Variants in USP34 observed in about 807,000 individuals in gnomAD.
The protein encoded by USP34 is ubiquitin carboxyl-terminal hydrolase 34.
Under a neutral mutation model 460.3 loss-of-function variants are expected in USP34, and 70 were observed. The observed-to-expected ratio is 0.15, with a 90% CI of 0.13 to 0.19. USP34 has a LOEUF of 0.19. Among genes scored for constraint, USP34 ranks in the 10% least tolerant of loss-of-function variants. USP34 has a pLI of 1.00. For synonymous variants in USP34, 1,647 were observed against 1,405.3 expected (o/e 1.17, Z -3.85); for missense variants, 3,985 against 4,236.2 (o/e 0.94, Z 1.65).
chr2:61,284,418 G>C (rs769756178), intron 35 of USP34, among the ~76,000 whole-genome samples: 10 of 152,008 alleles, frequency 6.6e-5, no homozygotes, highest in Non-Finnish European at 1.0e-4. Flanking sequence ...AGAAACAGAA[G>C]AACTGACAAC....
intron 3 of USP34, among the ~76,000 whole-genome samples, chr2:61,402,075 C>T (rs1693737810): frequency 6.6e-6 from 1 of 151,640 alleles, no homozygotes; most frequent in Non-Finnish European, 1.5e-5. Context: ...CGATAAACCC[C>T]ATAAACACAG....
At chr2:61,309,835 A>G (rs913670082) in intron 27 of USP34, among the ~76,000 whole-genome samples, 1 of 152,198 alleles carries the variant, frequency 6.6e-6, no homozygotes, top group Non-Finnish European at 1.5e-5. Flanking sequence ...GCGCTGATAC[A>G]TACACTTGAG....
chr2:61,398,791 G>C (rs998360501), intron 3 of USP34, among the ~76,000 whole-genome samples: 1 of 152,058 alleles, frequency 6.6e-6, no homozygotes, highest in Admixed American at 6.5e-5. Flanking sequence ...CAATCATACA[G>C]AACTCAGAAC....
intron 48 of USP34, among the ~76,000 whole-genome samples, chr2:61,249,516 T>G (rs941594523): frequency 6.6e-6 from 1 of 152,204 alleles, no homozygotes; most frequent in Non-Finnish European, 1.5e-5. Flanking sequence ...GGTAACAAAC[T>G]GCAGAAAGAA....
At chr2:61,336,182 T>C (rs1691410543) in intron 18 of USP34, among the ~76,000 whole-genome samples, 1 of 151,610 alleles carries the variant, frequency 6.6e-6, no homozygotes, top group Admixed American at 6.6e-5. Flanking sequence ...TCTCACTGTG[T>C]TGCTCAGGCT....
In USP34 at chr2:61,257,331, T is replaced by C. The variant is rs1435499636; in HGVS notation, c.5864A>G (p.Tyr1955Cys). 6.2e-7 allele frequency: 1 copy of C among 1,602,198 alleles called. No homozygotes were observed. The highest frequency in any genetic ancestry group is 8.5e-7 in the Non-Finnish European group (1 of 1,175,266). ...TGTTTTACAGAAAGGTCTAGGATTATATGCTTTGCATTCACTCTCCTGCAA... is the reference window on the plus strand; with the variant it reads ...TGTTTTACAGAAAGGTCTAGGATTACATGCTTTGCATTCACTCTCCTGCAA... Reference protein sequence around the residue: ...TYLMESECKAYNPRPFCKTYT... With the variant: ...TYLMESECKACNPRPFCKTYT... The change falls in exon 45 of 80, where the codon TAT becomes TGT. Residue 1955 changes from tyrosine to cysteine, a missense_variant. This residue lies in a region of USP34 where 145 missense variants were observed against 291.6 expected (regional missense o/e 0.50). Coordinates refer to ENST00000398571, the MANE Select transcript of USP34 (RefSeq NM_014709.4).
At chr2:61,403,666 C>G (rs1693783998) in intron 3 of USP34, among the ~76,000 whole-genome samples, 1 of 152,058 alleles carries the variant, frequency 6.6e-6, no homozygotes, top group Admixed American at 6.6e-5. Context: ...CTCCCCCACC[C>G]AGAGCAGGAG....
intron 68 of USP34, among the ~76,000 whole-genome samples, chr2:61,213,308 C>T (rs1179367798): frequency 6.6e-6 from 1 of 152,074 alleles, no homozygotes; most frequent in African/African-American, 2.4e-5. Context: ...CTATGCCGGC[C>T]TGGGATTCTA....
intron 1 of USP34, among the ~76,000 whole-genome samples, chr2:61,464,019 T>G (rs114728705): frequency 1.3e-5 from 2 of 152,236 alleles, no homozygotes; most frequent in Non-Finnish European, 2.9e-5. Flanking sequence ...TGTAAAGTAC[T>G]TAAGTACCCA....
Position 61,416,821 on chromosome 2 carries a change from T to TTG in USP34, c.131+3924_131+3925insCA, listed in dbSNP as rs770675371. The TTG allele has an allele frequency of 2.3e-3, 514 of 219,248 alleles. 1 individual carries two copies. The highest frequency in any genetic ancestry group is 3.2e-3 in the Middle Eastern group (3 of 932). 13.6% of individuals were successfully genotyped at this position (219,248 alleles called of 1,614,324 possible). On this transcript the variant is annotated intron_variant, in intron 2 of 79. Transcript: ENST00000398571. Reference sequence around the variant, plus strand: ...TTAACCTCCCTAATCTTTTTTTTTTTGGGGGGGGGGACAGGAAGTAGAATG... The same window carrying TTG: ...TTAACCTCCCTAATCTTTTTTTTTTTTGGGGGGGGGGGACAGGAAGTAGAATG...
At chr2:61,465,103 T>C (rs1178773355) in intron 1 of USP34, among the ~76,000 whole-genome samples, 1 of 152,202 alleles carries the variant, frequency 6.6e-6, no homozygotes, top group East Asian at 1.9e-4. Context: ...TTTAGTATTG[T>C]TGGGATTGGT....
chr2:61,283,329 T>C, intron 36 of USP34, 60 bp from the exon 37 acceptor site: 1 of 1,582,604 alleles, frequency 6.3e-7, no homozygotes, highest in Non-Finnish European at 8.6e-7. Context: ...GAAAACACAA[T>C]GTTCAATATT....
At chr2:61,195,722 A>C (rs1372445838) in intron 75 of USP34, among the ~76,000 whole-genome samples, 2 of 151,944 alleles carry the variant, frequency 1.3e-5, no homozygotes, top group African/African-American at 2.4e-5. Context: ...TGTTACAGAG[A>C]CCTTGTGGCC....
intron 3 of USP34, 150 bp downstream of exon 3, chr2:61,405,558 G>C (rs373328831): frequency 4.8e-6 from 4 of 834,508 alleles, no homozygotes; most frequent in East Asian, 5.7e-5. Context: ...ACAAACTGCT[G>C]AAGAAATGCT....
chr2:61,351,813 T>C (rs1318023933), intron 10 of USP34, among the ~76,000 whole-genome samples: 1 of 152,184 alleles, frequency 6.6e-6, no homozygotes, highest in East Asian at 1.9e-4. Context: ...TCTACTGCTA[T>C]TTACTTTAAC....
intron 67 of USP34, among the ~76,000 whole-genome samples, chr2:61,216,957 T>C (rs1687422875): frequency 6.6e-6 from 1 of 151,812 alleles, no homozygotes; most frequent in Admixed American, 6.6e-5. Flanking sequence ...GTGTGAGTTA[T>C]ATACTTTCAC....
Position 61,343,914 on chromosome 2 carries a change from C to T in USP34, c.2401G>A (p.Glu801Lys). 6.2e-7 allele frequency: 1 copy of T among 1,613,994 alleles called. No individual in the cohort carries two copies. Among genetic ancestry groups the T allele is most frequent in the Non-Finnish European group, 8.5e-7 (1 of 1,179,926 alleles). Residue 801 changes from glutamate (E) to lysine (K), a missense_variant, in exon 16 of 80, where the codon GAG (glutamate) becomes AAG (lysine). Physicochemically the swap from Glu to Lys is moderately conservative, Grantham distance 56 (BLOSUM62 1). Around this residue, in one of 14 missense-constraint regions of USP34, gnomAD observed 716 missense variants for 626.2 expected, o/e 1.14. Coordinates refer to ENST00000398571, the MANE Select transcript of USP34 (RefSeq NM_014709.4). Reference sequence around the variant, plus strand: ...TGTGAATTAATCTGAACTAGCTCCTCTTCACATCCAGATTCTTCACCATCA... The same window carrying T: ...TGTGAATTAATCTGAACTAGCTCCTTTTCACATCCAGATTCTTCACCATCA... ...DFDGEESGCE[E>K]ELVQINSHAE... is the part of the protein sequence containing the mutation.
Position 61,281,122 on chromosome 2 carries a change from G to T in USP34, c.5119C>A (p.Leu1707Ile). ...LLAASTLLKFLPDAQALKPIR... is the reference protein window; with the variant it reads ...LLAASTLLKFIPDAQALKPIR... ...GGTTTGAGTGCTTGAGCATCAGGAA[G>T]AAATTTCAATAATGTTGAGGCAGCC... Residue 1707 changes from leucine to isoleucine, a missense_variant, in exon 38 of 80, where the codon CTT becomes ATT. Leu to Ile is a conservative substitution (Grantham distance 5). This residue lies in a region of USP34 where 1,114 missense variants were observed against 1,122.5 expected (regional missense o/e 0.99). Coordinates refer to ENST00000398571, the MANE Select transcript of USP34 (RefSeq NM_014709.4). 6.2e-6 allele frequency: 10 copies of T among 1,613,748 alleles called. No homozygotes were observed. Among genetic ancestry groups the T allele is most frequent in the Non-Finnish European group, 8.5e-6 (10 of 1,179,846 alleles).
chr2:61,240,867 C>A (rs539491743), intron 53 of USP34, among the ~76,000 whole-genome samples: 1 of 152,262 alleles, frequency 6.6e-6, no homozygotes, highest in East Asian at 1.9e-4. Context: ...AGCCACTGCG[C>A]CTGGGTGTAA....
Sources: allele counts gnomAD v4.1 joint callset (sites outside exome capture counted in the v4.1 genomes callset), GRCh38; gene constraint gnomAD v4.1.1; regional missense constraint gnomAD v4.1.1; transcripts MANE v1.5; gene names NCBI Gene and HGNC (gene_info 2026-07-23, HGNC 2026-07-21).